The following DST variants were observed in gnomAD, a reference collection of about 807,000 sequenced individuals.
The protein encoded by DST is bullous pemphigoid antigen.
Under a neutral mutation model 875.2 loss-of-function variants are expected in DST, and 253 were observed. That is an observed-to-expected ratio of 0.29 (90% confidence interval 0.26 to 0.32). DST has a LOEUF of 0.32. Among genes scored for constraint, DST ranks in the 10% least tolerant of loss-of-function variants. The probability of loss-of-function intolerance (pLI) is 1.00; values close to 1 mark genes in which losing one functional copy is unlikely to be tolerated. For synonymous variants in DST, 3,124 were observed against 3,197.1 expected, an observed-to-expected ratio of 0.98 and a Z score of 0.77; for missense variants, 8,287 against 9,111.6, an observed-to-expected ratio of 0.91 and a Z score of 3.68.
At chr6:56,839,335 C>A (rs557418589) in intron 4 of DST, among the ~76,000 whole-genome samples, 6 of 152,310 alleles carry the variant, frequency 3.9e-5, no homozygotes, top group African/African-American at 1.4e-4. Flanking sequence ...TAAGCAGTAT[C>A]ATTTGTTTTC....
At chr6:56,691,102 C>A (rs74449674) in intron 9 of DST, among the ~76,000 whole-genome samples, 2,504 of 152,164 alleles carry the variant, frequency 0.016, 72 homozygotes, top group African/African-American at 0.057. Flanking sequence ...GGCTAATGTA[C>A]CACTAAGGAA....
At chr6:56,505,377 T>TACA (rs2096276027) in intron 77 of DST, among the ~76,000 whole-genome samples, 1 of 151,670 alleles carries the variant, frequency 6.6e-6, no homozygotes, top group African/African-American at 2.4e-5. Context: ...TGGAAGAGAT[T>TACA]ACAACTCAAT....
At chr6:56,465,539 G>C (rs1165715105) in intron 99 of DST, among the ~76,000 whole-genome samples, 1 of 152,062 alleles carries the variant, frequency 6.6e-6, no homozygotes, top group Admixed American at 6.6e-5. Context: ...GATATGTAGA[G>C]AGCTATAGTA....
intron 2 of DST, among the ~76,000 whole-genome samples, chr6:56,913,928 T>A (rs1250411048): frequency 6.6e-6 from 1 of 152,242 alleles, no homozygotes; most frequent in East Asian, 1.9e-4. Context: ...GGCAAAAGTC[T>A]GCACAAATTT....
intron 2 of DST, among the ~76,000 whole-genome samples, chr6:56,916,636 C>G (rs1312480287): frequency 1.3e-5 from 2 of 151,836 alleles, no homozygotes; most frequent in East Asian, 3.9e-4. Context: ...ACCTGTAGCC[C>G]CAGCTATCTG....
At chr6:56,861,651 C>T (rs1771235475) in intron 3 of DST, among the ~76,000 whole-genome samples, 1 of 152,156 alleles carries the variant, frequency 6.6e-6, no homozygotes, top group South Asian at 2.1e-4. Context: ...GTGATCTGGA[C>T]CTGTCCCTTC....
chr6:56,953,958 GGGA>G (rs1369203457), intron 1 of DST, 139 bp from the exon 2 acceptor site: 5 of 440,738 alleles, frequency 1.1e-5, no homozygotes, highest in African/African-American at 1.0e-4. Flanking sequence ...TCCTGGGGGA[GGGA>G]GGAGGAGTCC....
Position 56,606,510 on chromosome 6 carries a change from T to C in DST, c.8118A>G (p.Ile2706Met), listed in dbSNP as rs2152711004. The C allele has an allele frequency of 1.9e-6, 3 of 1,613,308 alleles. No individual in the cohort carries two copies. The East Asian group carries it at 6.7e-5, about 36-fold the overall frequency. The change falls in exon 40 of 104, where the codon ATA becomes ATG. Residue 2706 changes from isoleucine to methionine, a missense_variant. Around this residue, in one of 10 missense-constraint regions of DST, gnomAD observed 3,138 missense variants for 3,116.6 expected, o/e 1.01. Transcript: ENST00000680361. Reference protein sequence around the residue: ...EKDELDSGEKIHLNPVGSDKV... With the variant: ...EKDELDSGEKMHLNPVGSDKV... ...TATCTGAGCCAACAGGATTTAAATGTATTTTTTCACCAGAATCTAATTCAT... is the reference window on the plus strand; with the variant it reads ...TATCTGAGCCAACAGGATTTAAATGCATTTTTTCACCAGAATCTAATTCAT...
intron 36 of DST, chr6:56,616,122 C>A: frequency 1.2e-6 from 2 of 1,614,204 alleles, no homozygotes; most frequent in Non-Finnish European, 1.7e-6. Flanking sequence ...CAATACCCTG[C>A]AACAGGACTG....
chr6:56,617,253 G>A, intron 36 of DST: 1 of 1,609,532 alleles, frequency 6.2e-7, no homozygotes, highest in Non-Finnish European at 8.5e-7. Flanking sequence ...TCAAAGTTCT[G>A]GAAGGTCTCT....
At chr6:56,881,442 C>T (rs1022087914) in intron 3 of DST, among the ~76,000 whole-genome samples, 4 of 151,974 alleles carry the variant, frequency 2.6e-5, no homozygotes, top group Admixed American at 6.6e-5. Flanking sequence ...CATTACACTC[C>T]GGCCTGGGTG....
At chr6:56,673,432 G>A (rs569649535) in intron 9 of DST, among the ~76,000 whole-genome samples, 1 of 152,238 alleles carries the variant, frequency 6.6e-6, no homozygotes, top group African/African-American at 2.4e-5. Context: ...GGGGTTGTGT[G>A]GGACTGTTTT....
intron 73 of DST, 50 bp downstream of exon 73, chr6:56,511,147 T>C: frequency 7.0e-7 from 1 of 1,436,922 alleles, no homozygotes; most frequent in Non-Finnish European, 9.5e-7. Flanking sequence ...TGTCTTTCTG[T>C]GCTCTGTTGT....
chr6:56,901,063 G>C (rs1201938523), intron 2 of DST, among the ~76,000 whole-genome samples: 2 of 152,070 alleles, frequency 1.3e-5, no homozygotes, highest in African/African-American at 4.8e-5. Flanking sequence ...AGGAAGGAAA[G>C]AGCAGGAATG....
intron 3 of DST, among the ~76,000 whole-genome samples, chr6:56,875,281 G>A (rs1047430462): frequency 3.8e-4 from 58 of 152,266 alleles, no homozygotes; most frequent in Non-Finnish European, 7.4e-4. Flanking sequence ...ACCATGCCCC[G>A]CCTGCCAGAG....
In DST at chr6:56,482,273, T is replaced by TG. The variant is rs1042199636; in HGVS notation, c.21403-96dup. On this transcript the variant is annotated intron_variant, in intron 89 of 103. Coordinates refer to ENST00000680361, the MANE Select transcript of DST (RefSeq NM_001374736.1). ...CTGTATAGTGGATTCATCCCTTCAA[T>TG]GAAAAAAAAAAAGTTTTAAATTTAA... The TG allele has an allele frequency of 8.9e-6, 12 of 1,345,724 alleles. No individual in the cohort carries two copies. In the African/African-American group the frequency reaches 1.8e-4, roughly 20 times the overall value. The allele number at this position is 1,345,724 out of a possible 1,614,324, so 83.4% of individuals were successfully genotyped here.
In DST at chr6:56,706,840, A is replaced by G. The variant is rs544573267; in HGVS notation, c.688-2471T>C. 3.3e-5 allele frequency among the ~76,000 whole-genome samples: 5 copies of G among 152,258 alleles called. No individual in the cohort carries two copies. The South Asian group carries it at 1.0e-3, about 32-fold the overall frequency. On this transcript the variant is annotated intron_variant, in intron 5 of 103. Coordinates refer to ENST00000680361, the MANE Select transcript of DST (RefSeq NM_001374736.1). ...ACATGGCAAAACCCATCTCTACTAAAAATAACAAAAAAAAATTAGCCGGGC... is the reference window on the plus strand; with the variant it reads ...ACATGGCAAAACCCATCTCTACTAAGAATAACAAAAAAAAATTAGCCGGGC...
intron 9 of DST, among the ~76,000 whole-genome samples, chr6:56,686,115 C>T (rs1284308851): frequency 1.3e-5 from 2 of 152,156 alleles, no homozygotes; most frequent in African/African-American, 2.4e-5. Flanking sequence ...ACTACACAGC[C>T]ATAAAATGAA....
At chr6:56,624,653 A>C in intron 35 of DST, 25 bp from the exon 36 acceptor site, 2 of 1,450,242 alleles carry the variant, frequency 1.4e-6, no homozygotes, top group East Asian at 2.3e-5. Flanking sequence ...AAAAATAATA[A>C]AAGCATTACC....
Sources: gnomAD v4.1 joint callset for allele counts (sites outside exome capture counted in the v4.1 genomes callset) on GRCh38, gnomAD v4.1.1 for gene constraint, gnomAD v4.1.1 regional missense constraint, MANE v1.5 for transcripts, NCBI Gene and HGNC (gene_info 2026-07-23, HGNC 2026-07-21) for gene names.